The following TLCD3A variants were observed in gnomAD, a reference collection of about 807,000 sequenced individuals.
The protein encoded by TLCD3A is TLC domain containing 3A.
TLCD3A carries 17 observed loss-of-function variants against 29.9 expected under a neutral mutation model. The ratio of observed to expected loss-of-function variants is 0.57; its 90% CI spans 0.39 to 0.85. The LOEUF (loss-of-function observed/expected upper bound fraction) is 0.85, where lower values mean the gene tolerates loss of function less well. Among genes scored for constraint, TLCD3A ranks in the 40% least tolerant of loss-of-function variants. The pLI is 0.00. For synonymous variants in TLCD3A, 143 were observed against 147.7 expected, an observed-to-expected ratio of 0.97 and a Z score of 0.23; for missense variants, 332 against 350.8, an observed-to-expected ratio of 0.95 and a Z score of 0.43.
chr17:738,814 G>A (rs1417944791), intron 3 of TLCD3A, among the ~76,000 whole-genome samples: 1 of 151,850 alleles, frequency 6.6e-6, no homozygotes, highest in East Asian at 1.9e-4. Flanking sequence ...TGATCCTCCT[G>A]CCTAGGCCTC....
chr17:735,857 C>T (rs1008696206), intron 2 of TLCD3A, among the ~76,000 whole-genome samples: 2 of 151,826 alleles, frequency 1.3e-5, no homozygotes, highest in African/African-American at 4.8e-5. Flanking sequence ...TACCTGTAAT[C>T]CCAGCTACTC....
intron 2 of TLCD3A, among the ~76,000 whole-genome samples, chr17:733,867 G>GT (rs1015198775): frequency 6.6e-6 from 1 of 152,092 alleles, no homozygotes; most frequent in African/African-American, 2.4e-5. Context: ...CTCCCAAGTT[G>GT]AAGGACCACA....
At chr17:734,089 C>T (rs917743326) in intron 2 of TLCD3A, among the ~76,000 whole-genome samples, 2 of 152,072 alleles carry the variant, frequency 1.3e-5, no homozygotes, top group Non-Finnish European at 2.9e-5. Flanking sequence ...TGGCTATTGG[C>T]GATGAATAAG....
chr17:735,862 C>G (rs1453428459), intron 2 of TLCD3A, among the ~76,000 whole-genome samples: 1 of 151,680 alleles, frequency 6.6e-6, no homozygotes, highest in African/African-American at 2.4e-5. Context: ...GTAATCCCAG[C>G]TACTCGGGAG....
chr17:739,660 T>C (rs925097122), intron 3 of TLCD3A, among the ~76,000 whole-genome samples: 2 of 152,338 alleles, frequency 1.3e-5, no homozygotes, highest in East Asian at 3.9e-4. Context: ...TAAAAGTTCA[T>C]AGCTTGCTAA....
In TLCD3A at chr17:742,550, A is replaced by G. The variant is rs997979270; in HGVS notation, c.*980A>G. On this transcript the variant is annotated 3_prime_UTR_variant, in exon 5 of 5. Transcript: ENST00000308278. ...AGTGCTTTGCCTCCCGATATGCCAG[A>G]GCTTGTGGTCCAAAGCCCATTCCTG... 1 of 152,236 alleles carries G rather than the reference A, an allele frequency of 6.6e-6. No individual in the cohort carries two copies. The highest frequency in any genetic ancestry group is 2.4e-5 in the African/African-American group (1 of 41,456). 9.4% of individuals were successfully genotyped at this position (152,236 alleles called of 1,614,324 possible). A position where few individuals can be genotyped will look rare whatever the true frequency, so the allele number is the denominator to read the frequency against.
chr17:740,547 T>C lies in TLCD3A; in HGVS notation c.451T>C (p.Phe151Leu), dbSNP rs371563114. 69 of 1,614,018 alleles carry C rather than the reference T, an allele frequency of 4.3e-5. No individual in the cohort carries two copies. The highest frequency in any genetic ancestry group is 5.8e-5 in the Non-Finnish European group (68 of 1,180,002). ...DLGDFFVGCIFTAELSTPFVS... is the reference protein window; with the variant it reads ...DLGDFFVGCILTAELSTPFVS... ...TGGGGACTTCTTTGTCGGCTGCATC[T>C]TCACGGCAGAACTGAGCACTCCGTT... Residue 151 changes from phenylalanine (F) to leucine (L), a missense_variant, in exon 4 of 5, where the codon TTC becomes CTC. Physicochemically the swap from Phe to Leu is conservative, Grantham distance 22. Coordinates refer to ENST00000308278, the MANE Select transcript of TLCD3A (RefSeq NM_024792.3).
intron 2 of TLCD3A, among the ~76,000 whole-genome samples, chr17:735,184 G>A (rs1223202101): frequency 1.3e-5 from 2 of 151,884 alleles, no homozygotes; most frequent in African/African-American, 4.8e-5. Flanking sequence ...CACCACGTCT[G>A]GCTAATTTTT....
intron 2 of TLCD3A, 129 bp from the exon 3 acceptor site, chr17:737,717 A>C (rs1460328116): frequency 1.1e-6 from 1 of 913,782 alleles, no homozygotes; most frequent in East Asian, 2.4e-5. Context: ...CTCCCTGTTT[A>C]TCAGTTTCAA....
chr17:741,109 A>T (rs1974246149), intron 4 of TLCD3A, among the ~76,000 whole-genome samples, 192 bp from the exon 5 acceptor site: 1 of 152,182 alleles, frequency 6.6e-6, no homozygotes, highest in Non-Finnish European at 1.5e-5. Flanking sequence ...TCTCAATATG[A>T]TAGTGTTCAA....
intron 3 of TLCD3A, among the ~76,000 whole-genome samples, chr17:740,040 C>A (rs969551048): frequency 1.3e-5 from 2 of 152,098 alleles, no homozygotes; most frequent in African/African-American, 4.8e-5. Context: ...GAACAAAACT[C>A]CGTCTCAAAA....
intron 2 of TLCD3A, among the ~76,000 whole-genome samples, chr17:734,725 C>T (rs1197598397): frequency 6.6e-6 from 1 of 152,032 alleles, no homozygotes; most frequent in Non-Finnish European, 1.5e-5. Flanking sequence ...GTTAAAAATC[C>T]CCCCAAATTA....
intron 2 of TLCD3A, among the ~76,000 whole-genome samples, chr17:736,440 C>T (rs952337291): frequency 7.2e-5 from 11 of 152,198 alleles, no homozygotes; most frequent in African/African-American, 2.4e-4. Context: ...GAATGCTTAT[C>T]ACTGGGAACC....
chr17:740,097 TAAG>T (rs1444238280), intron 3 of TLCD3A, among the ~76,000 whole-genome samples: 1 of 152,188 alleles, frequency 6.6e-6, no homozygotes, highest in Admixed American at 6.5e-5. Flanking sequence ...TTAAATTCTT[TAAG>T]AAGTGTCTGG....
intron 3 of TLCD3A, among the ~76,000 whole-genome samples, 165 bp from the exon 4 acceptor site, chr17:740,340 A>G (rs1423612407): frequency 2.0e-5 from 3 of 152,250 alleles, no homozygotes; most frequent in Non-Finnish European, 4.4e-5. Flanking sequence ...GGCTTGGACC[A>G]TCAAAGTGCT....
chr17:732,659 G>A lies in TLCD3A; in HGVS notation c.12G>A (p.Thr4=). The change falls in exon 1 of 5, where the codon ACG becomes ACA. Residue 4 remains threonine (T), a synonymous_variant. Coordinates refer to ENST00000308278, the MANE Select transcript of TLCD3A (RefSeq NM_024792.3). MLL[T]LAGGALFFPG... ...GACCCGCAGCCCCGATGCTGCTGAC[G>A]CTGGCCGGGGGCGCGCTCTTCTTCC... 7.3e-7 allele frequency: 1 copy of A among 1,374,904 alleles called. No homozygotes were observed. The highest frequency in any genetic ancestry group is 9.4e-7 in the Non-Finnish European group (1 of 1,059,548). 85.2% of individuals were successfully genotyped at this position (1,374,904 alleles called of 1,614,324 possible).
intron 2 of TLCD3A, among the ~76,000 whole-genome samples, chr17:737,431 C>A (rs1308461467): frequency 1.3e-5 from 2 of 151,992 alleles, no homozygotes; most frequent in Non-Finnish European, 2.9e-5. Flanking sequence ...AAACCCCCAA[C>A]TGTTGAGCAG....
intron 2 of TLCD3A, 75 bp downstream of exon 2, chr17:733,256 C>CG: frequency 7.4e-7 from 1 of 1,353,128 alleles, no homozygotes; most frequent in South Asian, 1.5e-5. Context: ...TCGCAGCACA[C>CG]GCGCTCAGAA....
In TLCD3A at chr17:733,088, C is replaced by T. The variant is rs375952296; in HGVS notation, c.123-10C>T. The T allele has an allele frequency of 1.9e-6, 3 of 1,576,530 alleles. No homozygotes were observed. The highest frequency in any genetic ancestry group is 2.6e-6 in the Non-Finnish European group (3 of 1,162,024). ...CTGAGCGCGCGCGCTGTTCTCTCCG[C>T]CCGCGCTAGGCTGGTTTCCTCGGTG... On this transcript the variant is annotated splice_polypyrimidine_tract_variant and intron_variant, in intron 1 of 4. Coordinates refer to ENST00000308278, the MANE Select transcript of TLCD3A (RefSeq NM_024792.3).
Sources: gnomAD v4.1 joint callset for allele counts (sites outside exome capture counted in the v4.1 genomes callset) on GRCh38, gnomAD v4.1.1 for gene constraint, MANE v1.5 for transcripts, NCBI Gene and HGNC (gene_info 2026-07-23, HGNC 2026-07-21) for gene names.